The following PFKM variants were observed in gnomAD, a reference collection of about 807,000 sequenced individuals.
PFKM encodes the protein ATP-dependent 6-phosphofructokinase, muscle type.
PFKM carries 58 observed loss-of-function variants against 95.5 expected under a neutral mutation model. That is an observed-to-expected ratio of 0.61 (90% CI 0.49 to 0.76). The LOEUF (loss-of-function observed/expected upper bound fraction) is 0.76. Ranked by LOEUF, PFKM falls within the 30% of genes least tolerant of loss-of-function variation. PFKM has a pLI of 0.00. For synonymous variants in PFKM, 336 were observed against 357.2 expected (o/e 0.94, Z 0.67); for missense variants, 678 against 1,005.4 (o/e 0.67, Z 4.40).
chr12:48,135,912 GCACCATT>G (rs747924428), intron 10 of PFKM, among the ~76,000 whole-genome samples: 7,309 of 150,802 alleles, frequency 0.048, 496 homozygotes, highest in African/African-American at 0.15. Flanking sequence ...TTTTTGAGAC[GCACCATT>G]GCACTCGCTC....
chr12:48,137,897 G>A, intron 11 of PFKM, 51 bp downstream of exon 11: 1 of 1,601,592 alleles, frequency 6.2e-7, no homozygotes. Context: ...CCCCTGCCTT[G>A]GAGCTCAAGG....
In PFKM at chr12:48,141,800, G is replaced by C; in HGVS notation, c.1473G>C (p.Gln491His). 4 of 1,613,910 alleles carry C rather than the reference G, an allele frequency of 2.5e-6. No individual in the cohort carries two copies. The highest frequency in any genetic ancestry group is 3.4e-6 in the Non-Finnish European group (4 of 1,179,884). The change falls in exon 16 of 23, where the codon CAG (glutamine) becomes CAC (histidine). Residue 491 changes from glutamine (Q) to histidine (H), a missense_variant. Physicochemically the swap from Gln to His is conservative, Grantham distance 24. Coordinates refer to ENST00000359794, the MANE Select transcript of PFKM (RefSeq NM_000289.6). The part of the protein sequence containing the change: ...ISANITKFNI[Q>H]GLVIIGGFEA... ...CCAATATAACTAAGTTTAACATTCA[G>C]GGCCTTGTCATCATTGGGGGCTTTG...
chr12:48,108,012 A>G, intron 2 of PFKM: 1 of 1,561,378 alleles, frequency 6.4e-7, no homozygotes, highest in Non-Finnish European at 8.7e-7. Context: ...GAAAGGGAGT[A>G]AGGAACACTC....
At chr12:48,123,083 G>A (rs924440794) in intron 2 of PFKM, among the ~76,000 whole-genome samples, 2 of 152,146 alleles carry the variant, frequency 1.3e-5, no homozygotes, top group Non-Finnish European at 2.9e-5. Context: ...TTGAAGACAG[G>A]GGGCTCTTTT....
At chr12:48,107,054 A>T (rs1946713995) in intron 1 of PFKM, among the ~76,000 whole-genome samples, 1 of 152,138 alleles carries the variant, frequency 6.6e-6, no homozygotes, top group Admixed American at 6.5e-5. Flanking sequence ...TCTTAGAGAA[A>T]TGCCCCCTTA....
upstream of PFKM, among the ~76,000 whole-genome samples, chr12:48,116,463 C>G (rs945631260): frequency 1.3e-4 from 20 of 152,018 alleles, no homozygotes; most frequent in African/African-American, 4.3e-4. Flanking sequence ...ACTGTCTATT[C>G]AAGCCTTTGC....
chr12:48,106,178 CAG>C lies in PFKM; in HGVS notation c.-10+44_-10+45del, dbSNP rs1405599817. 8.6e-6 allele frequency: 6 copies of C among 699,282 alleles called. No homozygotes were observed. In the East Asian group the frequency reaches 1.6e-4, roughly 19 times the overall value. 43.3% of individuals were successfully genotyped at this position (699,282 alleles called of 1,614,324 possible). On this transcript the variant is annotated intron_variant, in intron 1 of 24. Coordinates refer to the PFKM transcript ENST00000340802. ...GGGGCTGGGGCAGGAGGTCAAAGAA[CAG>C]AGTTAAGGACCAGTGGGGCGCCTGC...
intron 2 of PFKM, 81 bp from the exon 3 acceptor site, chr12:48,130,282 G>T: frequency 1.1e-6 from 1 of 877,424 alleles, no homozygotes; most frequent in Non-Finnish European, 2.0e-6. Context: ...GTTATCTTTA[G>T]CCAAATGTAA....
chr12:48,114,902 C>G (rs1249563250), upstream of PFKM, among the ~76,000 whole-genome samples: 1 of 152,030 alleles, frequency 6.6e-6, no homozygotes, highest in East Asian at 1.9e-4. Flanking sequence ...GATTTTAGGT[C>G]AGGTGAGAGT....
intron 1 of PFKM, among the ~76,000 whole-genome samples, chr12:48,120,568 A>G (rs1374978237): frequency 6.6e-6 from 1 of 152,248 alleles, no homozygotes; most frequent in African/African-American, 2.4e-5. Context: ...TAAATATTTT[A>G]AACTGCAGGC....
Position 48,131,303 on chromosome 12 carries a change from A to T in PFKM, c.160-13A>T, listed in dbSNP as rs772664063. On this transcript the variant is annotated splice_polypyrimidine_tract_variant and intron_variant, in intron 3 of 22. Coordinates refer to ENST00000359794, the MANE Select transcript of PFKM (RefSeq NM_000289.6). ...AAGCCTAACGGGCTGAACAGGTATA[A>T]TGTGTCACACAGGGTTATCAAGGCC... The T allele has an allele frequency of 9.5e-6, 15 of 1,584,218 alleles. No homozygotes were observed. In the East Asian group the frequency reaches 2.9e-4, roughly 31 times the overall value.
Position 48,128,388 on chromosome 12 carries a change from C to T in PFKM, c.86-1975C>T, listed in dbSNP as rs554455838. Among the ~76,000 whole-genome samples the T allele has an allele frequency of 4.0e-3, 614 of 152,232 alleles. 3 individuals carry two copies. The highest frequency in any genetic ancestry group is 0.014 in the African/African-American group (566 of 41,548). On this transcript the variant is annotated intron_variant, in intron 2 of 22. Coordinates refer to ENST00000359794, the MANE Select transcript of PFKM (RefSeq NM_000289.6). The stretch of plus-strand genomic sequence containing the variant: ...CCAAGTAGCTGGGACTATAGGGATG[C>T]ACCATTGTACTTGGCTCATGTCTTT...
intron 4 of PFKM, chr12:48,132,264 A>G (rs1949580583): frequency 2.9e-6 from 1 of 348,036 alleles, no homozygotes. Context: ...AGGGACTTAT[A>G]GATACCTCTC....
intron 3 of PFKM, among the ~76,000 whole-genome samples, chr12:48,113,646 A>G (rs1014338600): frequency 1.3e-5 from 2 of 152,218 alleles, no homozygotes; most frequent in Admixed American, 1.3e-4. Context: ...GCTGGGGTTC[A>G]GGCATTGTGA....
chr12:48,133,338 A>G lies in PFKM; in HGVS notation c.451A>G (p.Thr151Ala). The change falls in exon 6 of 23, where the codon ACG (threonine) becomes GCG (alanine). Residue 151 changes from threonine (T) to alanine (A), a missense_variant. Physicochemically the swap from Thr to Ala is moderately conservative, Grantham distance 58 (BLOSUM62 0). Coordinates refer to ENST00000359794, the MANE Select transcript of PFKM (RefSeq NM_000289.6). ...KAGKITDEEATKSSYLNIVGL... is the reference protein window; with the variant it reads ...KAGKITDEEAAKSSYLNIVGL... ...AGGTAAGATCACAGATGAGGAGGCT[A>G]CGAAGTCCAGCTACCTGAACATTGT... 2 of 1,614,166 alleles carry G rather than the reference A, an allele frequency of 1.2e-6. No homozygotes were observed. The highest frequency in any genetic ancestry group is 1.6e-4 in the Middle Eastern group (1 of 6,062).
chr12:48,122,508 C>T, intron 1 of PFKM: 1 of 1,116,672 alleles, frequency 9.0e-7, no homozygotes, highest in Non-Finnish European at 1.2e-6. Context: ...CAAATAGGTT[C>T]CAATTGGGGT....
In PFKM at chr12:48,145,734, T is replaced by C. The variant is rs770576486; in HGVS notation, c.*26T>C. The stretch of plus-strand genomic sequence containing the variant: ...ACCTCTCTGGAGTGAGGGGAATAGA[T>C]TACCTGATCATGGTCAGCTCACACC... On this transcript the variant is annotated 3_prime_UTR_variant, in exon 23 of 23. Transcript: ENST00000359794. This position sits in a 1 kb window ranked among gnomAD's most constrained non-coding sequence, Gnocchi z 4.3. 6.2e-7 allele frequency: 1 copy of C among 1,611,932 alleles called. No homozygotes were observed. The highest frequency in any genetic ancestry group is 1.1e-5 in the South Asian group (1 of 91,044).
chr12:48,111,142 G>A (rs112896476), intron 3 of PFKM, among the ~76,000 whole-genome samples: 2,995 of 152,306 alleles, frequency 0.02, 77 homozygotes, highest in African/African-American at 0.049. Flanking sequence ...AACCTGCCTA[G>A]GTAACTAGTG....
intron 3 of PFKM, among the ~76,000 whole-genome samples, chr12:48,110,832 T>C (rs1947118046): frequency 6.6e-5 from 10 of 151,548 alleles, no homozygotes; most frequent in Admixed American, 5.9e-4. Context: ...AGGCAGGCTG[T>C]GTGTGTGTGT....
Sources: allele counts gnomAD v4.1 joint callset (sites outside exome capture counted in the v4.1 genomes callset), GRCh38; gene constraint gnomAD v4.1.1; non-coding constraint Gnocchi (gnomAD v3.1); transcripts MANE v1.5; gene names NCBI Gene and HGNC (gene_info 2026-07-23, HGNC 2026-07-21).